Variants in AK9 observed in about 807,000 individuals in gnomAD.
AK9 encodes adenylate kinase 9.
In AK9, 191 loss-of-function variants were observed where a neutral mutation model predicts 239.6. The observed-to-expected ratio is 0.80, with a 90% CI of 0.71 to 0.90. The LOEUF (loss-of-function observed/expected upper bound fraction) is 0.90. AK9 is among the 40% of genes least tolerant of loss of function. The pLI is 0.00. For synonymous variants in AK9, 689 were observed against 721.0 expected (o/e 0.96, Z 0.71); for missense variants, 1,995 against 2,214.7 (o/e 0.90, Z 1.99).
At chr6:109,671,557 G>A (rs1770897316) in intron 5 of AK9, among the ~76,000 whole-genome samples, 1 of 152,118 alleles carries the variant, frequency 6.6e-6, no homozygotes. Flanking sequence ...TTCTAAGTGT[G>A]GATTAATGCA....
At chr6:109,587,387 TG>T (rs1789644761) in intron 17 of AK9, among the ~76,000 whole-genome samples, 1 of 152,242 alleles carries the variant, frequency 6.6e-6, no homozygotes. Flanking sequence ...TGTATATTCA[TG>T]GGTTACAAGT....
chr6:109,622,526 CAAT>C (rs1382004807), intron 12 of AK9, among the ~76,000 whole-genome samples: 1 of 142,484 alleles, frequency 7.0e-6, no homozygotes, highest in Non-Finnish European at 1.5e-5. Flanking sequence ...CAGGATAATA[CAAT>C]AATATATTAA....
intron 20 of AK9, among the ~76,000 whole-genome samples, chr6:109,578,412 CT>C (rs1179471713): frequency 2.0e-5 from 3 of 152,112 alleles, no homozygotes; most frequent in South Asian, 2.1e-4. Flanking sequence ...CTTCTCTCTT[CT>C]TTTTTTGGTT....
At chr6:109,593,775 C>G (rs1001285398) in intron 17 of AK9, among the ~76,000 whole-genome samples, 2 of 152,176 alleles carry the variant, frequency 1.3e-5, no homozygotes, top group Non-Finnish European at 2.9e-5. Context: ...ACATGATTAT[C>G]TTAATAGATG....
At chr6:109,619,342 C>A in intron 12 of AK9, 106 bp from the exon 13 acceptor site, 3 of 1,200,038 alleles carry the variant, frequency 2.5e-6, no homozygotes, top group Non-Finnish European at 3.3e-6. Context: ...ATCTCTATTC[C>A]AAAAATATTA....
chr6:109,529,147 T>G, intron 28 of AK9, 74 bp from the exon 29 acceptor site: 1 of 1,443,098 alleles, frequency 6.9e-7, no homozygotes, highest in Non-Finnish European at 9.2e-7. Context: ...TCATATATTT[T>G]TATATAAAGT....
At chr6:109,512,105 G>A (rs1026290611) in intron 32 of AK9, among the ~76,000 whole-genome samples, 7 of 152,126 alleles carry the variant, frequency 4.6e-5, no homozygotes, top group African/African-American at 1.7e-4. Context: ...AGAGACAGAA[G>A]GTCAGCACAA....
chr6:109,619,015 A>G (rs1319340655), intron 13 of AK9, 77 bp downstream of exon 13: 1 of 1,449,032 alleles, frequency 6.9e-7, no homozygotes, highest in Admixed American at 2.6e-5. Context: ...GATGAGCTAA[A>G]CAAAGTCCTT....
chr6:109,503,477 C>A, intron 35 of AK9, among the ~76,000 whole-genome samples: 1 of 152,146 alleles, frequency 6.6e-6, no homozygotes, highest in African/African-American at 2.4e-5. Context: ...CTCTAAGCCC[C>A]AGCCTTGTAC....
chr6:109,604,507 C>A (rs1792575866), intron 17 of AK9, among the ~76,000 whole-genome samples: 1 of 152,118 alleles, frequency 6.6e-6, no homozygotes, highest in African/African-American at 2.4e-5. Context: ...TGTGATGTAA[C>A]CTTTGGCATA....
At chr6:109,643,298 C>T (rs975699900) in intron 9 of AK9, among the ~76,000 whole-genome samples, 1 of 152,198 alleles carries the variant, frequency 6.6e-6, no homozygotes, top group African/African-American at 2.4e-5. Flanking sequence ...CACTAGCATG[C>T]ACTGTTACCA....
intron 35 of AK9, among the ~76,000 whole-genome samples, chr6:109,504,542 C>T (rs1277640348): frequency 6.6e-6 from 1 of 152,094 alleles, no homozygotes; most frequent in African/African-American, 2.4e-5. Context: ...GGCATGATGG[C>T]TCACACCTGT....
chr6:109,625,848 G>A (rs1243215115), intron 12 of AK9, among the ~76,000 whole-genome samples: 1 of 152,102 alleles, frequency 6.6e-6, no homozygotes, highest in Non-Finnish European at 1.5e-5. Flanking sequence ...GGACCTGTAA[G>A]TCAATCTATA....
chr6:109,596,691 G>A (rs2128223901), intron 17 of AK9, among the ~76,000 whole-genome samples: 1 of 152,310 alleles, frequency 6.6e-6, no homozygotes. Flanking sequence ...GGTGGCTAAG[G>A]CTTCTAAACA....
At chr6:109,568,000 C>T (rs1269393465) in intron 21 of AK9, among the ~76,000 whole-genome samples, 2 of 152,030 alleles carry the variant, frequency 1.3e-5, no homozygotes, top group South Asian at 2.1e-4. Flanking sequence ...GACCAATGTC[C>T]CTGATGAACA....
chr6:109,605,854 TG>T (rs1792796384), intron 17 of AK9, among the ~76,000 whole-genome samples: 1 of 152,118 alleles, frequency 6.6e-6, no homozygotes, highest in Non-Finnish European at 1.5e-5. Flanking sequence ...GGGATAACTG[TG>T]GGGAGAAGGT....
intron 9 of AK9, among the ~76,000 whole-genome samples, chr6:109,642,061 G>C (rs1227424647): frequency 6.6e-6 from 1 of 152,160 alleles, no homozygotes; most frequent in Non-Finnish European, 1.5e-5. Context: ...GATGGAGGCA[G>C]ATATTGGAGT....
chr6:109,651,366 C>A (rs1335923943), intron 8 of AK9, among the ~76,000 whole-genome samples: 2 of 152,058 alleles, frequency 1.3e-5, no homozygotes, highest in East Asian at 3.8e-4. Flanking sequence ...TTCTTTGAAA[C>A]CAATGAGAAC....
chr6:109,521,829 C>A (rs533032491), intron 29 of AK9, among the ~76,000 whole-genome samples: 1 of 151,976 alleles, frequency 6.6e-6, no homozygotes, highest in Admixed American at 6.6e-5. Flanking sequence ...TTACATTTGC[C>A]CCATATTTGA....
Sources: gnomAD v4.1 joint callset for allele counts (sites outside exome capture counted in the v4.1 genomes callset) on GRCh38, gnomAD v4.1.1 for gene constraint, MANE v1.5 for transcripts, NCBI Gene and HGNC (gene_info 2026-07-23, HGNC 2026-07-21) for gene names.